Variants in LRP1B observed in about 807,000 individuals in gnomAD.
The protein encoded by LRP1B is LDL receptor related protein 1B.
LRP1B carries 217 observed loss-of-function variants against 556.6 expected under a neutral mutation model. That is an observed-to-expected ratio of 0.39 (90% CI 0.35 to 0.44). The LOEUF is 0.44. LRP1B is among the 20% of genes least tolerant of loss of function. LRP1B has a pLI of 1.00. For missense variants in LRP1B, 5,053 were observed against 5,620.8 expected (o/e 0.90, Z 3.23); for synonymous variants, 2,047 against 1,865.8 (o/e 1.10, Z -2.50).
intron 18 of LRP1B, among the ~76,000 whole-genome samples, chr2:140,965,816 T>C (rs1696196071): frequency 1.3e-5 from 2 of 151,460 alleles, no homozygotes; most frequent in African/African-American, 4.8e-5. Context: ...TTTTTTTTTT[T>C]TCCCTGCAAT....
chr2:141,301,098 T>C (rs1008097516), intron 3 of LRP1B, among the ~76,000 whole-genome samples: 12 of 152,068 alleles, frequency 7.9e-5, no homozygotes, highest in African/African-American at 2.9e-4. Flanking sequence ...TATTATGTTG[T>C]GGGGTATGGA....
At chr2:141,985,561 T>G (rs1702164212) in intron 1 of LRP1B, among the ~76,000 whole-genome samples, 1 of 152,066 alleles carries the variant, frequency 6.6e-6, no homozygotes, top group Non-Finnish European at 1.5e-5. Context: ...GACGTGATGT[T>G]ATAAATAATG....
intron 47 of LRP1B, among the ~76,000 whole-genome samples, chr2:140,529,422 G>A (rs989188981): frequency 3.4e-5 from 4 of 117,910 alleles, no homozygotes; most frequent in African/African-American, 1.4e-4. Context: ...GTAGCAAAGG[G>A]AAGCTGAAAA....
At chr2:142,012,232 T>C (rs1408811657) in intron 1 of LRP1B, among the ~76,000 whole-genome samples, 1 of 152,152 alleles carries the variant, frequency 6.6e-6, no homozygotes, top group Non-Finnish European at 1.5e-5. Context: ...AAAGTTGATA[T>C]TGTTCACACA....
At chr2:141,823,002 G>T (rs2105733003) in intron 1 of LRP1B, among the ~76,000 whole-genome samples, 1 of 152,296 alleles carries the variant, frequency 6.6e-6, no homozygotes, top group East Asian at 1.9e-4. Context: ...AGGAGAAGAT[G>T]TGCAGAGTGT....
chr2:141,032,995 G>A (rs1698421719), intron 11 of LRP1B, among the ~76,000 whole-genome samples: 1 of 151,886 alleles, frequency 6.6e-6, no homozygotes, highest in Non-Finnish European at 1.5e-5. Flanking sequence ...CAAGGGGCCA[G>A]GCAGCAACAG....
intron 1 of LRP1B, among the ~76,000 whole-genome samples, chr2:141,860,684 A>G (rs1037657869): frequency 7.9e-5 from 12 of 152,186 alleles, no homozygotes; most frequent in South Asian, 2.1e-4. Flanking sequence ...ATAGAAATAT[A>G]AATAAAAATA....
In LRP1B at chr2:140,501,829, C is replaced by A. The variant is rs746077714; in HGVS notation, c.8708G>T (p.Cys2903Phe). 13 of 1,609,636 alleles carry A rather than the reference C, an allele frequency of 8.1e-6. No individual in the cohort carries two copies. The highest frequency in any genetic ancestry group is 1.7e-5 in the Admixed American group (1 of 59,554). Reference protein sequence around the residue: ...SSFFMCKNGRCIPSGGLCDNK... With the variant: ...SSFFMCKNGRFIPSGGLCDNK... The stretch of plus-strand genomic sequence containing the variant: ...GTCGCAAAGACCTCCACTGGGAATG[C>A]ACCTGCCATTTTTGCACATAAAAAA... The change falls in exon 55 of 91, where the codon TGC becomes TTC. Residue 2903 changes from cysteine to phenylalanine, a missense_variant. By Grantham distance (205) the Cys-to-Phe change is radical. This residue lies in a region of LRP1B where 3,619 missense variants were observed against 3,931.9 expected (regional missense o/e 0.92). Coordinates refer to ENST00000389484, the MANE Select transcript of LRP1B (RefSeq NM_018557.3).
chr2:141,440,976 C>G (rs1274916533), intron 3 of LRP1B, among the ~76,000 whole-genome samples: 1 of 152,168 alleles, frequency 6.6e-6, no homozygotes, highest in African/African-American at 2.4e-5. Flanking sequence ...ATAGCCACTC[C>G]CGCCCACCCT....
At chr2:140,250,225 C>T (rs1047650707) in intron 86 of LRP1B, among the ~76,000 whole-genome samples, 6 of 151,746 alleles carry the variant, frequency 4.0e-5, no homozygotes, top group African/African-American at 1.4e-4. Flanking sequence ...TCCCACTGCC[C>T]TTAGTCTTAG....
chr2:140,990,084 G>A lies in LRP1B; in HGVS notation c.2645-427C>T, dbSNP rs1022667441. On this transcript the variant is annotated intron_variant, in intron 16 of 90. Coordinates refer to ENST00000389484, the MANE Select transcript of LRP1B (RefSeq NM_018557.3). ...TAGCCAGGCATGGTGGCGCATGCCTGTAATCCCAGCTACTTGGGAGGCTGA... is the reference window on the plus strand; with the variant it reads ...TAGCCAGGCATGGTGGCGCATGCCTATAATCCCAGCTACTTGGGAGGCTGA... 1.1e-4 allele frequency among the ~76,000 whole-genome samples: 16 copies of A among 152,136 alleles called. 1 individual carries two copies. The South Asian group carries it at 2.9e-3, about 28-fold the overall frequency.
chr2:140,299,317 A>C (rs923124399), intron 83 of LRP1B, among the ~76,000 whole-genome samples: 2 of 152,098 alleles, frequency 1.3e-5, no homozygotes, highest in Admixed American at 6.5e-5. Flanking sequence ...TATTAACTTT[A>C]CTTTGAAAGG....
chr2:141,212,852 G>A (rs764918824), intron 6 of LRP1B, among the ~76,000 whole-genome samples: 3 of 152,180 alleles, frequency 2.0e-5, no homozygotes, highest in South Asian at 2.1e-4. Context: ...AAATGTTGAC[G>A]TATAATGAAA....
Position 140,457,459 on chromosome 2 carries a change from T to G in LRP1B, c.9814+4A>C. 1.9e-6 allele frequency: 3 copies of G among 1,598,110 alleles called. No homozygotes were observed. Among genetic ancestry groups the G allele is most frequent in the Non-Finnish European group, 2.6e-6 (3 of 1,166,488 alleles). ...TTTATGGAAATCATGGAAAGAATAA[T>G]TACCATCAGGTTGTCTATAAGAATG... On this transcript the variant is annotated splice_donor_region_variant and intron_variant, in intron 61 of 90. Transcript: ENST00000389484.
intron 1 of LRP1B, among the ~76,000 whole-genome samples, chr2:142,041,162 G>T (rs1159489019): frequency 6.6e-6 from 1 of 150,390 alleles, no homozygotes; most frequent in Non-Finnish European, 1.5e-5. Context: ...TTTCATAGTT[G>T]AATTCTCATA....
At chr2:141,696,537 G>A (rs375014284) in intron 2 of LRP1B, among the ~76,000 whole-genome samples, 2 of 151,838 alleles carry the variant, frequency 1.3e-5, no homozygotes, top group African/African-American at 4.8e-5. Flanking sequence ...ATTATTAACA[G>A]GGGTGCAACT....
intron 3 of LRP1B, among the ~76,000 whole-genome samples, chr2:141,304,893 G>A (rs1212298936): frequency 6.6e-6 from 1 of 152,024 alleles, no homozygotes; most frequent in Non-Finnish European, 1.5e-5. Context: ...TAGCACCTTT[G>A]TCAAAAATCA....
intron 32 of LRP1B, among the ~76,000 whole-genome samples, chr2:140,788,409 A>G (rs889964797): frequency 6.6e-6 from 1 of 152,124 alleles, no homozygotes; most frequent in African/African-American, 2.4e-5. Flanking sequence ...AGGGACATAC[A>G]TTTTCATGGA....
chr2:141,229,507 A>C (rs571255728), intron 5 of LRP1B, 67 bp from the exon 6 acceptor site: 11 of 1,172,156 alleles, frequency 9.4e-6, no homozygotes, highest in Non-Finnish European at 1.3e-5. Context: ...GTTTTGCCCT[A>C]GTTATTGAAA....
Sources: gnomAD v4.1 joint callset for allele counts (sites outside exome capture counted in the v4.1 genomes callset) on GRCh38, gnomAD v4.1.1 for gene constraint, gnomAD v4.1.1 regional missense constraint, MANE v1.5 for transcripts, NCBI Gene and HGNC (gene_info 2026-07-23, HGNC 2026-07-21) for gene names.